The following AHRR variants were observed in gnomAD, a reference collection of about 807,000 sequenced individuals.
The protein encoded by AHRR is aryl hydrocarbon receptor repressor, also known as ahR repressor.
In AHRR, 28 loss-of-function variants were observed where a neutral mutation model predicts 44.0. The observed-to-expected ratio is 0.64, with a 90% confidence interval of 0.47 to 0.87. The LOEUF is 0.87. Ranked by LOEUF, AHRR falls within the 40% of genes least tolerant of loss-of-function variation. The pLI is 0.00. For missense variants in AHRR, 990 were observed against 953.9 expected (o/e 1.04, Z -0.50); for synonymous variants, 434 against 407.0 (o/e 1.07, Z -0.80).
intron 3 of AHRR, among the ~76,000 whole-genome samples, chr5:369,529 G>A (rs921995931): frequency 2.6e-5 from 4 of 152,240 alleles, no homozygotes; most frequent in African/African-American, 7.2e-5. Context: ...CCCGCTGCAC[G>A]AGCCCGGGCT....
intron 1 of AHRR, among the ~76,000 whole-genome samples, chr5:343,165 G>A (rs1293485962): frequency 1.3e-5 from 2 of 151,358 alleles, no homozygotes; most frequent in African/African-American, 4.9e-5. Flanking sequence ...ATGTGGCCCC[G>A]TGTGTCCTCT....
At chr5:376,552 A>ATGAGAACCGTAGGGT in intron 3 of AHRR, 58 bp from the exon 4 acceptor site, 1 of 1,409,246 alleles carries the variant, frequency 7.1e-7, no homozygotes, top group Non-Finnish European at 9.6e-7. Context: ...ATGTGAATGA[A>ATGAGAACCGTAGGGT]GAAGAGTGGC....
chr5:362,452 C>T (rs1418411942), intron 3 of AHRR, among the ~76,000 whole-genome samples: 1 of 152,264 alleles, frequency 6.6e-6, no homozygotes, highest in African/African-American at 2.4e-5. Context: ...TGCCTTCCAG[C>T]TCTCCAGGCT....
chr5:346,459 C>T (rs1267079101), intron 2 of AHRR, among the ~76,000 whole-genome samples: 1 of 152,340 alleles, frequency 6.6e-6, no homozygotes, highest in East Asian at 1.9e-4. Flanking sequence ...CTTCCCCAGA[C>T]GGCCCCACCA....
rs748684843 is a variant in AHRR at position 404,874 on chromosome 5, G to A, written c.352-8470G>A. On this transcript the variant is annotated intron_variant, in intron 4 of 10. Transcript: ENST00000684583. This position sits in a 1 kb window ranked among gnomAD's most constrained non-coding sequence, Gnocchi z 4.1. Reference sequence around the variant, plus strand: ...GGGCACCACCTGCCATTCCTCCTTCGTGCCTTCGAGTAGCAGGCTCAGTCC... The same window carrying A: ...GGGCACCACCTGCCATTCCTCCTTCATGCCTTCGAGTAGCAGGCTCAGTCC... Among the ~76,000 whole-genome samples the A allele has an allele frequency of 2.0e-5, 3 of 152,138 alleles. No individual in the cohort carries two copies. Among genetic ancestry groups the A allele is most frequent in the African/African-American group, 4.8e-5 (2 of 41,424 alleles).
At chr5:390,834 G>C (rs1229806595) in intron 4 of AHRR, among the ~76,000 whole-genome samples, 1 of 152,224 alleles carries the variant, frequency 6.6e-6, no homozygotes, top group Admixed American at 6.5e-5. Flanking sequence ...CTGGATGCAG[G>C]AGGCCGGGAG....
intron 2 of AHRR, among the ~76,000 whole-genome samples, chr5:350,387 G>GT (rs1403400106): frequency 6.6e-6 from 1 of 152,218 alleles, no homozygotes; most frequent in African/African-American, 2.4e-5. Context: ...TCCCACACCT[G>GT]TTTCTGTGCT....
Position 383,989 on chromosome 5 carries a change from T to G in AHRR, c.351+7273T>G, listed in dbSNP as rs1039061047. 1.3e-5 allele frequency among the ~76,000 whole-genome samples: 2 copies of G among 152,196 alleles called. No homozygotes were observed. The highest frequency in any genetic ancestry group is 4.8e-5 in the African/African-American group (2 of 41,438). ...GCAGTATGTAAGTTGGGCCTTGATTTTTTTTCAATCAAGTCTGACAATCTC... is the reference window on the plus strand; with the variant it reads ...GCAGTATGTAAGTTGGGCCTTGATTGTTTTTCAATCAAGTCTGACAATCTC... On this transcript the variant is annotated intron_variant, in intron 4 of 10. Coordinates refer to ENST00000684583, the MANE Select transcript of AHRR (RefSeq NM_001377236.1). This position sits in a 1 kb window ranked among gnomAD's most constrained non-coding sequence, Gnocchi z 4.0.
At chr5:381,620 A>G (rs1360473843) in intron 4 of AHRR, among the ~76,000 whole-genome samples, 1 of 142,216 alleles carries the variant, frequency 7.0e-6, no homozygotes, top group Non-Finnish European at 1.5e-5. Context: ...GGATCAAGCA[A>G]TTCTCTGCCT....
intron 4 of AHRR, among the ~76,000 whole-genome samples, chr5:394,792 GA>G (rs1414111856): frequency 6.6e-6 from 1 of 152,258 alleles, no homozygotes; most frequent in Non-Finnish European, 1.5e-5. Context: ...GGGCAGAGGG[GA>G]GGGCAGGTGG....
intron 8 of AHRR, among the ~76,000 whole-genome samples, chr5:430,054 G>A (rs955562276): frequency 6.6e-6 from 1 of 152,216 alleles, no homozygotes; most frequent in Non-Finnish European, 1.5e-5. Context: ...AGACGTCCCC[G>A]CCCTGTTCTG....
At chr5:408,896 T>C (rs531315100) in intron 4 of AHRR, among the ~76,000 whole-genome samples, 2 of 152,250 alleles carry the variant, frequency 1.3e-5, no homozygotes, top group South Asian at 4.1e-4. Flanking sequence ...TCTAATGGGG[T>C]CGATTTTTAT....
rs1400299591 is a variant in AHRR at position 388,664 on chromosome 5, G to A, written c.351+11948G>A. Among the ~76,000 whole-genome samples, 1 of 152,180 alleles carries A rather than the reference G, an allele frequency of 6.6e-6. No homozygotes were observed. The highest frequency in any genetic ancestry group is 6.5e-5 in the Admixed American group (1 of 15,286). ...GGCATGGGGCTTGGTGACATGAGGAGCGGGGGTGTCAGAGCCAGGGGCACC... is the reference window on the plus strand; with the variant it reads ...GGCATGGGGCTTGGTGACATGAGGAACGGGGGTGTCAGAGCCAGGGGCACC... On this transcript the variant is annotated intron_variant, in intron 4 of 10. Coordinates refer to ENST00000684583, the MANE Select transcript of AHRR (RefSeq NM_001377236.1). The surrounding 1 kb of genome is among the most constrained non-coding windows in gnomAD (Gnocchi z 5.2).
rs1238566887 is a variant in AHRR, at chr5:395,568, G to C, written c.352-17776G>C. 2.0e-5 allele frequency among the ~76,000 whole-genome samples: 3 copies of C among 152,238 alleles called. No homozygotes were observed. The highest frequency in any genetic ancestry group is 2.9e-5 in the Non-Finnish European group (2 of 68,044). Reference sequence around the variant, plus strand: ...GCCTGTGCCCAGTGGCAGCCGAGCAGGGCCTCACAAAAACAGCTGTGAGAA... The same window carrying C: ...GCCTGTGCCCAGTGGCAGCCGAGCACGGCCTCACAAAAACAGCTGTGAGAA... On this transcript the variant is annotated intron_variant, in intron 4 of 10. Coordinates refer to ENST00000684583, the MANE Select transcript of AHRR (RefSeq NM_001377236.1). The surrounding 1 kb of genome is among the most constrained non-coding windows in gnomAD (Gnocchi z 5.3).
chr5:353,771 G>A lies in AHRR; in HGVS notation c.104G>A (p.Arg35Gln), dbSNP rs372339149. The change falls in exon 3 of 11, where the codon CGA (arginine) becomes CAA (glutamine). Residue 35 changes from arginine (R) to glutamine (Q), a missense_variant. By Grantham distance (43) the Arg-to-Gln change is conservative. Coordinates refer to ENST00000684583, the MANE Select transcript of AHRR (RefSeq NM_001377236.1). ...VGAEKSNPSK[R>Q]HRDRLNAELD... ...GCAGAGAAGTCCAACCCCTCCAAGC[G>A]ACACCGGGACCGCCTCAACGCCGAG... The A allele has an allele frequency of 1.4e-4, 229 of 1,613,236 alleles. No homozygotes were observed. The highest frequency in any genetic ancestry group is 1.8e-4 in the Non-Finnish European group (218 of 1,179,908).
chr5:323,092 C>G (rs1264452511), intron 1 of AHRR, among the ~76,000 whole-genome samples: 1 of 152,206 alleles, frequency 6.6e-6, no homozygotes, highest in East Asian at 1.9e-4. Flanking sequence ...AGGAGTCTGT[C>G]GAGGCCCCAC....
intron 1 of AHRR, among the ~76,000 whole-genome samples, chr5:328,255 ATTTTTTTTTTTTTTT>A (rs70955232): frequency 3.7e-5 from 2 of 54,254 alleles, no homozygotes; most frequent in African/African-American, 6.0e-5. Context: ...CCAACATCTG[ATTTTTTTTTTTTTTT>A]TTTTTTTTTT....
chr5:377,778 T>C (rs1304651365), intron 4 of AHRR, among the ~76,000 whole-genome samples: 1 of 152,240 alleles, frequency 6.6e-6, no homozygotes, highest in African/African-American at 2.4e-5. Context: ...GGCCTGGGCC[T>C]GGTTCCCTGC....
intron 5 of AHRR, among the ~76,000 whole-genome samples, chr5:421,553 C>A (rs1439899886): frequency 6.6e-6 from 1 of 152,236 alleles, no homozygotes; most frequent in East Asian, 1.9e-4. Context: ...GGTTACCCTC[C>A]AGTTACAAGT....
Sources: gnomAD v4.1 joint callset for allele counts (sites outside exome capture counted in the v4.1 genomes callset) on GRCh38, gnomAD v4.1.1 for gene constraint, Gnocchi (gnomAD v3.1) non-coding constraint, MANE v1.5 for transcripts, NCBI Gene and HGNC (gene_info 2026-07-23, HGNC 2026-07-21) for gene names.